CSGALNACT1: variants seen among roughly 807,000 people sequenced by gnomAD.
CSGALNACT1 encodes chondroitin sulfate N-acetylgalactosaminyltransferase 1.
Under a neutral mutation model 51.0 loss-of-function variants are expected in CSGALNACT1, and 52 were observed. That is an observed-to-expected ratio of 1.02 (90% confidence interval 0.82 to 1.29). The LOEUF (loss-of-function observed/expected upper bound fraction) is 1.29. Among genes scored for constraint, CSGALNACT1 ranks in the 50% most tolerant of loss-of-function variants. The pLI is 0.00. For synonymous variants in CSGALNACT1, 341 were observed against 254.4 expected (o/e 1.34, Z -3.24); for missense variants, 935 against 679.2 (o/e 1.38, Z -4.19).
intron 4 of CSGALNACT1, among the ~76,000 whole-genome samples, chr8:19,464,698 G>A (rs761054557): frequency 2.8e-4 from 43 of 152,294 alleles, no homozygotes; most frequent in Middle Eastern, 3.4e-3. Flanking sequence ...TGTAAAGGAT[G>A]TAGGGCGTAT....
intron 1 of CSGALNACT1, among the ~76,000 whole-genome samples, chr8:19,627,084 C>A (rs532722764): frequency 2.0e-5 from 3 of 152,318 alleles, no homozygotes; most frequent in African/African-American, 7.2e-5. Flanking sequence ...AACATTCTCA[C>A]ATAAAATGTA....
At chr8:19,497,636 T>C (rs966376254) in intron 4 of CSGALNACT1, among the ~76,000 whole-genome samples, 4 of 152,142 alleles carry the variant, frequency 2.6e-5, no homozygotes, top group African/African-American at 9.7e-5. Flanking sequence ...AAGAATCACA[T>C]GGAAATGCTA....
chr8:19,661,080 T>A (rs78383550), intron 1 of CSGALNACT1, among the ~76,000 whole-genome samples: 4 of 89,974 alleles, frequency 4.4e-5, no homozygotes, highest in Admixed American at 2.8e-4. Context: ...ACCTGGCTAA[T>A]TTTTTTTTTT....
chr8:19,703,458 C>G (rs1050590197), intron 1 of CSGALNACT1, among the ~76,000 whole-genome samples: 1 of 152,160 alleles, frequency 6.6e-6, no homozygotes, highest in Non-Finnish European at 1.5e-5. Flanking sequence ...CACCTGCCAC[C>G]AAGCCCGGCT....
upstream of CSGALNACT1, among the ~76,000 whole-genome samples, chr8:19,605,142 A>G (rs1402814485): frequency 1.3e-5 from 2 of 152,224 alleles, no homozygotes; most frequent in East Asian, 3.8e-4. Flanking sequence ...AGCAAAAACT[A>G]AATCCAGGAA....
chr8:19,539,050 T>C (rs1166934684), intron 3 of CSGALNACT1, among the ~76,000 whole-genome samples: 1 of 152,220 alleles, frequency 6.6e-6, no homozygotes, highest in African/African-American at 2.4e-5. Context: ...GTATCACATT[T>C]TGTTATATTT....
chr8:19,475,629 A>G lies in CSGALNACT1; in HGVS notation c.635-16987T>C, dbSNP rs142520778. Among the ~76,000 whole-genome samples the G allele has an allele frequency of 3.4e-3, 523 of 152,322 alleles. 3 individuals are homozygous for G. Among genetic ancestry groups the G allele is most frequent in the African/African-American group, 0.012 (501 of 41,566 alleles). ...AGATAATGACACACAACGAGTAAGT[A>G]AAAAGTGGTTTCCTTTGAGGTGAAA... On this transcript the variant is annotated intron_variant, in intron 4 of 9. Coordinates refer to ENST00000454498, the Ensembl canonical transcript of CSGALNACT1.
chr8:19,569,560 T>TA (rs2042574520), intron 3 of CSGALNACT1, among the ~76,000 whole-genome samples: 1 of 152,180 alleles, frequency 6.6e-6, no homozygotes, highest in African/African-American at 2.4e-5. Flanking sequence ...CACTTTTTTT[T>TA]AGCATTACGA....
intron 3 of CSGALNACT1, among the ~76,000 whole-genome samples, chr8:19,584,222 C>A (rs1049966794): frequency 3.3e-5 from 5 of 152,326 alleles, no homozygotes; most frequent in African/African-American, 1.2e-4. Flanking sequence ...CCTCCCAGAG[C>A]TAACATTTGA....
intron 4 of CSGALNACT1, among the ~76,000 whole-genome samples, chr8:19,488,396 T>C (rs1322753599): frequency 1.4e-4 from 13 of 94,836 alleles, no homozygotes; most frequent in South Asian, 1.3e-3. Flanking sequence ...TATATATATA[T>C]ATATATATAT....
chr8:19,620,831 C>T lies in CSGALNACT1; in HGVS notation c.-543-18966G>A, dbSNP rs560210178. Among the ~76,000 whole-genome samples the T allele has an allele frequency of 3.7e-4, 56 of 152,260 alleles. No individual in the cohort carries two copies. The South Asian group carries it at 4.3e-3, about 12-fold the overall frequency. ...ATATTAACACTCTGGTATGTAGCCA[C>T]GGACTGAAAGTTACCAGATGCTCCT... On this transcript the variant is annotated intron_variant, in intron 1 of 9. Coordinates refer to the CSGALNACT1 transcript ENST00000332246.
intron 8 of CSGALNACT1, among the ~76,000 whole-genome samples, chr8:19,417,881 C>G (rs1391432418): frequency 6.6e-6 from 1 of 152,158 alleles, no homozygotes; most frequent in Non-Finnish European, 1.5e-5. Flanking sequence ...GGGGCCATGC[C>G]CAGAAGACAC....
chr8:19,406,553 T>C (rs2054213743), intron 9 of CSGALNACT1, among the ~76,000 whole-genome samples: 1 of 148,100 alleles, frequency 6.8e-6, no homozygotes, highest in Non-Finnish European at 1.5e-5. Context: ...GATTACACAT[T>C]GTATGCCTGT....
intron 4 of CSGALNACT1, among the ~76,000 whole-genome samples, chr8:19,472,252 T>C (rs575638303): frequency 7.5e-4 from 114 of 152,282 alleles, no homozygotes; most frequent in African/African-American, 2.6e-3. Context: ...TGCAAACACA[T>C]TCGAATGTAT....
chr8:19,494,280 C>T (rs923943362), intron 4 of CSGALNACT1, among the ~76,000 whole-genome samples: 1 of 152,080 alleles, frequency 6.6e-6, no homozygotes, highest in African/African-American at 2.4e-5. Context: ...TTAGTTACTC[C>T]TGCTCCCAAA....
At chr8:19,457,110 C>T (rs145502187) in intron 5 of CSGALNACT1, among the ~76,000 whole-genome samples, 10 of 152,264 alleles carry the variant, frequency 6.6e-5, no homozygotes, top group South Asian at 2.1e-4. Flanking sequence ...GAGAACCCTA[C>T]GTCAGAAAGA....
intron 5 of CSGALNACT1, among the ~76,000 whole-genome samples, chr8:19,446,383 A>T (rs1056977344): frequency 6.6e-6 from 1 of 152,132 alleles, no homozygotes; most frequent in Non-Finnish European, 1.5e-5. Context: ...GAATCTCAGG[A>T]AACTCCAACT....
chr8:19,459,920 G>T (rs1450894645), intron 4 of CSGALNACT1, among the ~76,000 whole-genome samples: 2 of 152,210 alleles, frequency 1.3e-5, no homozygotes, highest in African/African-American at 4.8e-5. Flanking sequence ...TCCACAGAGT[G>T]TCACTTGTCA....
rs533889837 is a variant in CSGALNACT1 at position 19,703,372 on chromosome 8, C to T, written c.-297+54478G>A. ...AGGCTAGAGTGCAGCGGCGGGATCT[C>T]AGCTCACTGCAAGCTCTGCCTTCCA... On this transcript the variant is annotated intron_variant, in intron 1 of 1. Transcript: ENST00000517494. 2.4e-4 allele frequency among the ~76,000 whole-genome samples: 36 copies of T among 152,312 alleles called. 1 individual carries two copies. The highest frequency in any genetic ancestry group is 8.7e-4 in the African/African-American group (36 of 41,568).
Sources: allele counts gnomAD v4.1 joint callset (sites outside exome capture counted in the v4.1 genomes callset), GRCh38; gene constraint gnomAD v4.1.1; transcripts MANE v1.5; gene names NCBI Gene and HGNC (gene_info 2026-07-23, HGNC 2026-07-21).